Variants in CADM2 observed in about 807,000 individuals in gnomAD.
The protein encoded by CADM2 is cell adhesion molecule 2, also known as immunoglobulin superfamily member 4D.
In CADM2, 12 loss-of-function variants were observed where a neutral mutation model predicts 49.8. The ratio of observed to expected loss-of-function variants is 0.24; its 90% CI spans 0.15 to 0.39. The LOEUF (loss-of-function observed/expected upper bound fraction) is 0.39. Among genes scored for constraint, CADM2 ranks in the 10% least tolerant of loss-of-function variants. The pLI is 1.00. For missense variants in CADM2, 378 were observed against 492.3 expected, an observed-to-expected ratio of 0.77 and a Z score of 2.20; for synonymous variants, 214 against 175.4, an observed-to-expected ratio of 1.22 and a Z score of -1.74.
intron 3 of CADM2, among the ~76,000 whole-genome samples, chr3:85,845,741 A>G (rs2074852188): frequency 6.6e-6 from 1 of 152,180 alleles, no homozygotes; most frequent in South Asian, 2.1e-4. Flanking sequence ...TATATCCACA[A>G]TACGTGCCTT....
At chr3:86,051,587 T>C (rs372437273) in intron 8 of CADM2, among the ~76,000 whole-genome samples, 1 of 152,130 alleles carries the variant, frequency 6.6e-6, no homozygotes, top group Non-Finnish European at 1.5e-5. Flanking sequence ...ACTGGGTAAT[T>C]TATAAAGAAA....
intron 1 of CADM2, among the ~76,000 whole-genome samples, chr3:85,572,848 C>T (rs79588508): frequency 0.021 from 3,270 of 152,214 alleles, 142 homozygotes; most frequent in South Asian, 0.1. Context: ...ATAGATCTTC[C>T]CACCAGGTAG....
At chr3:86,032,006 A>G (rs1182800815) in intron 8 of CADM2, among the ~76,000 whole-genome samples, 1 of 151,796 alleles carries the variant, frequency 6.6e-6, no homozygotes, top group Non-Finnish European at 1.5e-5. Context: ...TTGACGGATC[A>G]AGAGTAAATT....
At chr3:85,241,967 G>T (rs1410699862) in intron 1 of CADM2, among the ~76,000 whole-genome samples, 2 of 151,302 alleles carry the variant, frequency 1.3e-5, no homozygotes, top group Non-Finnish European at 3.0e-5. Context: ...GGGTGATCCA[G>T]CTGATATTAA....
chr3:85,356,436 A>G (rs2031865317), intron 1 of CADM2, among the ~76,000 whole-genome samples: 1 of 152,126 alleles, frequency 6.6e-6, no homozygotes, highest in Non-Finnish European at 1.5e-5. Flanking sequence ...GAGAGGTTGG[A>G]AAGCTAGTTC....
chr3:85,843,024 C>T (rs2074709584), intron 3 of CADM2, among the ~76,000 whole-genome samples: 1 of 151,900 alleles, frequency 6.6e-6, no homozygotes, highest in Non-Finnish European at 1.5e-5. Context: ...ACTAGTAGTA[C>T]CTATGTATAT....
intron 1 of CADM2, among the ~76,000 whole-genome samples, chr3:85,672,288 G>T (rs560677262): frequency 6.6e-6 from 1 of 151,216 alleles, no homozygotes; most frequent in Non-Finnish European, 1.5e-5. Context: ...CGCCTCCCGG[G>T]TTCACGCCAT....
chr3:85,047,664 A>G (rs574075348), intron 1 of CADM2, among the ~76,000 whole-genome samples: 1 of 152,264 alleles, frequency 6.6e-6, no homozygotes, highest in South Asian at 2.1e-4. Context: ...TATGCATAAG[A>G]AAATGAGGAT....
rs199839902 is a variant in CADM2 at position 85,541,730 on chromosome 3, A to T, written c.62-184792A>T. On this transcript the variant is annotated intron_variant, in intron 1 of 9. Transcript: ENST00000383699. ...TATATATTTTATATTATATATATAT[A>T]TTTTATATATATATTTTATATATTT... Among the ~76,000 whole-genome samples, 101 of 113,952 alleles carry T rather than the reference A, an allele frequency of 8.9e-4. 1 individual carries two copies. The highest frequency in any genetic ancestry group is 8.9e-3 in the East Asian group (33 of 3,724). The allele number at this position is 113,952 out of a possible 152,430, so 74.8% of individuals were successfully genotyped here.
chr3:85,416,632 G>A (rs73845495), intron 1 of CADM2, among the ~76,000 whole-genome samples: 1,763 of 152,228 alleles, frequency 0.012, 29 homozygotes, highest in African/African-American at 0.041. Context: ...GCTGTTTACA[G>A]CAACCAAGAT....
intron 3 of CADM2, among the ~76,000 whole-genome samples, chr3:85,852,109 C>A (rs2075130927): frequency 6.6e-6 from 1 of 152,038 alleles, no homozygotes; most frequent in Non-Finnish European, 1.5e-5. Context: ...TTTTTCTAAT[C>A]TGTAATGAGT....
At chr3:85,133,386 G>A (rs561489502) in intron 1 of CADM2, among the ~76,000 whole-genome samples, 4 of 152,046 alleles carry the variant, frequency 2.6e-5, no homozygotes, top group African/African-American at 9.7e-5. Flanking sequence ...TAGACACAAA[G>A]GTTCTCTACG....
intron 6 of CADM2, among the ~76,000 whole-genome samples, chr3:85,926,543 T>C (rs1719901026): frequency 6.6e-6 from 1 of 152,178 alleles, no homozygotes; most frequent in Non-Finnish European, 1.5e-5. Context: ...AAATTTAGTT[T>C]GGAAACTCTT....
chr3:85,488,374 A>T (rs192607890), intron 1 of CADM2, among the ~76,000 whole-genome samples: 1 of 152,308 alleles, frequency 6.6e-6, no homozygotes, highest in African/African-American at 2.4e-5. Flanking sequence ...TTAAAAACAG[A>T]TGCTGAAACC....
intron 1 of CADM2, among the ~76,000 whole-genome samples, chr3:85,559,277 C>A (rs958363270): frequency 2.0e-5 from 3 of 151,906 alleles, no homozygotes; most frequent in Non-Finnish European, 4.4e-5. Flanking sequence ...TCTTAATATA[C>A]AATAGGAATT....
intron 1 of CADM2, among the ~76,000 whole-genome samples, chr3:85,102,583 C>T (rs945042632): frequency 6.6e-6 from 1 of 152,056 alleles, no homozygotes; most frequent in African/African-American, 2.4e-5. Context: ...AAAAGCAAGA[C>T]CTATAATATT....
At chr3:85,775,151 A>T (rs1341172086) in intron 2 of CADM2, among the ~76,000 whole-genome samples, 1 of 151,766 alleles carries the variant, frequency 6.6e-6, no homozygotes, top group Non-Finnish European at 1.5e-5. Context: ...AACATACTTA[A>T]GGTGACCATA....
intron 7 of CADM2, among the ~76,000 whole-genome samples, chr3:85,956,694 G>A (rs920052534): frequency 6.1e-5 from 9 of 147,794 alleles, no homozygotes; most frequent in African/African-American, 1.0e-4. Flanking sequence ...TTAAAATACA[G>A]ATTGGCAACT....
chr3:85,272,644 C>T (rs1438000239), intron 1 of CADM2, among the ~76,000 whole-genome samples: 2 of 151,306 alleles, frequency 1.3e-5, no homozygotes, highest in Non-Finnish European at 3.0e-5. Context: ...AACAGAACTA[C>T]TAAAAACAGT....
Sources: gnomAD v4.1 joint callset for allele counts (sites outside exome capture counted in the v4.1 genomes callset) on GRCh38, gnomAD v4.1.1 for gene constraint, MANE v1.5 for transcripts, NCBI Gene and HGNC (gene_info 2026-07-23, HGNC 2026-07-21) for gene names.